CRYBA1: variants seen among roughly 807,000 people sequenced by gnomAD.
The protein encoded by CRYBA1 is beta-crystallin A3.
A neutral mutation model predicts 36.2 loss-of-function variants in CRYBA1; 25 were observed. The ratio of observed to expected loss-of-function variants is 0.69; its 90% CI spans 0.50 to 0.97. The LOEUF is 0.97. Ranked by LOEUF, CRYBA1 falls within the 50% of genes least tolerant of loss-of-function variation. The pLI is 0.00. For missense variants in CRYBA1, 224 were observed against 276.3 expected (o/e 0.81, Z 1.34); for synonymous variants, 111 against 90.0 (o/e 1.23, Z -1.32).
intron 5 of CRYBA1, 31 bp downstream of exon 5, chr17:29,253,813 T>C: frequency 6.2e-7 from 1 of 1,612,840 alleles, no homozygotes; most frequent in Non-Finnish European, 8.5e-7. Flanking sequence ...GGAATATACT[T>C]CAAAGTAACT....
At chr17:29,252,238 T>C (rs375996153) in intron 4 of CRYBA1, 33 bp downstream of exon 4, 2 of 1,613,204 alleles carry the variant, frequency 1.2e-6, no homozygotes, top group African/African-American at 1.3e-5. Context: ...TCCGTGCATA[T>C]GAGGGATGGG....
rs781419366 is a variant in CRYBA1, at chr17:29,246,912, G to A, written c.31+18G>A. The A allele has an allele frequency of 1.8e-5, 29 of 1,606,300 alleles. No individual in the cohort carries two copies. In the East Asian group the frequency reaches 6.5e-4, roughly 36 times the overall value. ...GGAGCTGGGTGAGTAAGGCCCTCAG[G>A]GTGCCCTTGCCCTTCCTCTCCTTGC... On this transcript the variant is annotated intron_variant, in intron 1 of 5. Transcript: ENST00000225387.
At chr17:29,250,353 C>A in intron 3 of CRYBA1, 53 bp downstream of exon 3, 1 of 1,006,664 alleles carries the variant, frequency 9.9e-7, no homozygotes, top group South Asian at 1.3e-5. Flanking sequence ...TCCCTTCAGA[C>A]AGGGGACCAT....
Position 29,254,340 on chromosome 17 carries a change from C to A in CRYBA1, c.639C>A (p.Ile213=). Residue 213 remains isoleucine, a synonymous_variant, in exon 6 of 6, where the codon ATC becomes ATA. Coordinates refer to ENST00000225387, the MANE Select transcript of CRYBA1 (RefSeq NM_005208.5). ...CGCAGATCCAATCGATTCGCCGAAT[C>A]CAACAGTAGCTGATTAAAAGCTCCA... ...QTSQIQSIRR[I]QQ 1.2e-6 allele frequency: 2 copies of A among 1,614,114 alleles called. No homozygotes were observed. Among genetic ancestry groups the A allele is most frequent in the East Asian group, 4.5e-5 (2 of 44,876 alleles).
chr17:29,247,704 T>C (rs1269074638), intron 1 of CRYBA1, among the ~76,000 whole-genome samples: 3 of 152,106 alleles, frequency 2.0e-5, no homozygotes, highest in East Asian at 1.9e-4. Flanking sequence ...AGAACACAGA[T>C]TGGTACTGTG....
chr17:29,247,985 A>T (rs1053912802), intron 1 of CRYBA1, among the ~76,000 whole-genome samples: 1 of 152,120 alleles, frequency 6.6e-6, no homozygotes, highest in African/African-American at 2.4e-5. Context: ...GCGTGGTGGC[A>T]CATGCCTGTA....
chr17:29,251,800 G>A (rs905807595), intron 3 of CRYBA1, among the ~76,000 whole-genome samples: 1 of 152,128 alleles, frequency 6.6e-6, no homozygotes, highest in Non-Finnish European at 1.5e-5. Flanking sequence ...TTTTAGATTG[G>A]CTTTGCTAAT....
At chr17:29,251,943 C>T in intron 3 of CRYBA1, 121 bp from the exon 4 acceptor site, 1 of 1,235,390 alleles carries the variant, frequency 8.1e-7, no homozygotes, top group Non-Finnish European at 1.2e-6. Flanking sequence ...CTTTGTACAG[C>T]TCTACTGGGA....
intron 3 of CRYBA1, among the ~76,000 whole-genome samples, chr17:29,251,702 C>T (rs2068936278): frequency 6.6e-6 from 1 of 152,148 alleles, no homozygotes; most frequent in Non-Finnish European, 1.5e-5. Flanking sequence ...TGGTCTCCAA[C>T]TCATGGGCTC....
In CRYBA1 at chr17:29,252,195, T is replaced by C. The variant is rs1005145247; in HGVS notation, c.347T>C (p.Ile116Thr). Residue 116 changes from isoleucine (I) to threonine (T), a missense_variant, in exon 4 of 6, where the codon ATC becomes ACC. By Grantham distance (89) the Ile-to-Thr change is moderately conservative (BLOSUM62 -1). Transcript: ENST00000225387. ...HIERLMSFRP[I>T]CSANHKESKM... ...GAGCGTCTCATGTCCTTCCGCCCCATCTGTTCAGCTGTGAGTCTCTGAAAT... is the reference window on the plus strand; with the variant it reads ...GAGCGTCTCATGTCCTTCCGCCCCACCTGTTCAGCTGTGAGTCTCTGAAAT... 6.2e-7 allele frequency: 1 copy of C among 1,614,104 alleles called. No individual in the cohort carries two copies. The highest frequency in any genetic ancestry group is 8.5e-7 in the Non-Finnish European group (1 of 1,180,024).
intron 3 of CRYBA1, among the ~76,000 whole-genome samples, 179 bp downstream of exon 3, chr17:29,250,479 A>G (rs1007954110): frequency 4.6e-5 from 7 of 152,128 alleles, no homozygotes; most frequent in Non-Finnish European, 1.0e-4. Context: ...GAAGGAAGGA[A>G]CATGAGGTTC....
intron 2 of CRYBA1, 87 bp downstream of exon 2, chr17:29,249,293 T>G: frequency 1.1e-6 from 1 of 931,362 alleles, no homozygotes; most frequent in Non-Finnish European, 1.7e-6. Flanking sequence ...CATAAGGCAG[T>G]GACTGACCAG....
rs773366235 is a variant in CRYBA1, at chr17:29,250,297, G to C, written c.212G>C (p.Gly71Ala). ...DNVRSLKVES[G>A]AWIGYEHTSF... The stretch of plus-strand genomic sequence containing the variant: ...GTCCGGTCCCTGAAGGTGGAAAGTG[G>C]CGCGTGAGTATGGACTTCCGCAGAA... Residue 71 changes from glycine (G) to alanine (A), a missense_variant, in exon 3 of 6, where the codon GGC becomes GCC. Coordinates refer to ENST00000225387, the MANE Select transcript of CRYBA1 (RefSeq NM_005208.5). 5.0e-6 allele frequency: 8 copies of C among 1,592,078 alleles called. No homozygotes were observed. The South Asian group carries it at 5.5e-5, about 11-fold the overall frequency.
rs562946867 is a variant in CRYBA1, at chr17:29,252,644, G to GATTAT, written c.357+441_357+442insTATAT. On this transcript the variant is annotated intron_variant, in intron 4 of 5. Coordinates refer to ENST00000225387, the MANE Select transcript of CRYBA1 (RefSeq NM_005208.5). Reference sequence around the variant, plus strand: ...CTTCCAGTATCGATCTACACTGATTGATAATAATCTTCTTGTTCTGAACAC... The same window carrying GATTAT: ...CTTCCAGTATCGATCTACACTGATTGATTATATAATAATCTTCTTGTTCTGAACAC... Among the ~76,000 whole-genome samples, 173 of 152,218 alleles carry GATTAT rather than the reference G, an allele frequency of 1.1e-3. 1 individual carries two copies. Among genetic ancestry groups the GATTAT allele is most frequent in the African/African-American group, 3.9e-3 (164 of 41,540 alleles).
chr17:29,254,322 C>A lies in CRYBA1; in HGVS notation c.621C>A (p.Ile207=). Residue 207 remains isoleucine, a synonymous_variant, in exon 6 of 6, where the codon ATC becomes ATA. Transcript: ENST00000225387. ...EWGSHAQTSQ[I]QSIRRIQQ is the part of the protein sequence containing the mutation. ...GCTCTCATGCCCAGACTTCGCAGAT[C>A]CAATCGATTCGCCGAATCCAACAGT... 6.2e-7 allele frequency: 1 copy of A among 1,614,146 alleles called. No individual in the cohort carries two copies. The highest frequency in any genetic ancestry group is 2.2e-5 in the East Asian group (1 of 44,884).
chr17:29,250,769 G>A (rs1456685834), intron 3 of CRYBA1, among the ~76,000 whole-genome samples: 1 of 151,858 alleles, frequency 6.6e-6, no homozygotes, highest in Non-Finnish European at 1.5e-5. Context: ...TTAACCCCAC[G>A]ACTCCAGAGA....
intron 1 of CRYBA1, 29 bp from the exon 2 acceptor site, chr17:29,249,113 A>G: frequency 1.3e-6 from 2 of 1,518,754 alleles, no homozygotes; most frequent in Non-Finnish European, 1.8e-6. Context: ...CCAAGAGGCC[A>G]CATCATTCGT....
chr17:29,252,606 G>C (rs144895993), intron 4 of CRYBA1, among the ~76,000 whole-genome samples: 1 of 113,648 alleles, frequency 8.8e-6, no homozygotes, highest in Admixed American at 9.0e-5. Flanking sequence ...AATGACTGAC[G>C]AAATAGGCAA....
At position 29,249,222 on chromosome 17, in the gene CRYBA1, T is replaced by A. The variant is rs2068920700; in HGVS notation, c.96+16T>A. On this transcript the variant is annotated intron_variant, in intron 2 of 5. Coordinates refer to ENST00000225387, the MANE Select transcript of CRYBA1 (RefSeq NM_005208.5). ...GCCATGGAAGGTAAGCCCACCCCCA[T>A]CACATCCAACAGGGCAGGGGTGACA... The A allele has an allele frequency of 1.3e-6, 2 of 1,572,922 alleles. No homozygotes were observed. The highest frequency in any genetic ancestry group is 2.2e-5 in the South Asian group (2 of 90,274).
Sources: gnomAD v4.1 joint callset for allele counts (sites outside exome capture counted in the v4.1 genomes callset) on GRCh38, gnomAD v4.1.1 for gene constraint, MANE v1.5 for transcripts, NCBI Gene and HGNC (gene_info 2026-07-23, HGNC 2026-07-21) for gene names.